GLRB: variants seen among roughly 807,000 people sequenced by gnomAD.
GLRB encodes glycine receptor beta.
GLRB carries 33 observed loss-of-function variants against 54.2 expected under a neutral mutation model. That is an observed-to-expected ratio of 0.61 (90% CI 0.46 to 0.81). The LOEUF (loss-of-function observed/expected upper bound fraction) is 0.81, where lower values mean the gene tolerates loss of function less well. Among genes scored for constraint, GLRB ranks in the 40% least tolerant of loss-of-function variants. The pLI is 0.00. For missense variants in GLRB, 572 were observed against 584.6 expected (o/e 0.98, Z 0.22); for synonymous variants, 209 against 208.2 (o/e 1.00, Z -0.03).
At chr4:157,149,187 A>G (rs1736928386) in intron 8 of GLRB, among the ~76,000 whole-genome samples, 1 of 152,130 alleles carries the variant, frequency 6.6e-6, no homozygotes, top group Non-Finnish European at 1.5e-5. Context: ...GTTAGCAGAC[A>G]ACATAGAGCA....
At chr4:157,085,964 A>T (rs1209151961) in intron 2 of GLRB, among the ~76,000 whole-genome samples, 1 of 151,982 alleles carries the variant, frequency 6.6e-6, no homozygotes, top group Non-Finnish European at 1.5e-5. Context: ...GTAGGTATGT[A>T]TATATGAATG....
At chr4:157,142,130 T>G (rs1008371622) in intron 7 of GLRB, among the ~76,000 whole-genome samples, 2 of 152,128 alleles carry the variant, frequency 1.3e-5, no homozygotes, top group African/African-American at 4.8e-5. Context: ...ATTGTACTTA[T>G]GAAAGATTCT....
intron 4 of GLRB, among the ~76,000 whole-genome samples, chr4:157,128,256 C>T (rs972830293): frequency 2.0e-4 from 30 of 151,396 alleles, no homozygotes; most frequent in African/African-American, 6.1e-4. Flanking sequence ...TTTTAGTGTA[C>T]GTACATGAAA....
intron 2 of GLRB, among the ~76,000 whole-genome samples, chr4:157,083,167 T>C (rs1734286528): frequency 1.3e-5 from 2 of 152,020 alleles, no homozygotes; most frequent in Admixed American, 1.3e-4. Context: ...TTCTGCTCTG[T>C]GCTAGTGCAG....
chr4:157,130,027 G>GA (rs1736155475), intron 4 of GLRB, among the ~76,000 whole-genome samples: 1 of 151,526 alleles, frequency 6.6e-6, no homozygotes, highest in Non-Finnish European at 1.5e-5. Flanking sequence ...CTAATAAAAT[G>GA]AAAAAGTTTT....
intron 4 of GLRB, among the ~76,000 whole-genome samples, chr4:157,128,636 G>C (rs1277934746): frequency 6.6e-6 from 1 of 151,650 alleles, no homozygotes; most frequent in Non-Finnish European, 1.5e-5. Context: ...CACCTAGCAG[G>C]CTCTCCTAAT....
At position 157,077,050 on chromosome 4, in the gene GLRB, G is replaced by A. The variant is rs74779813; in HGVS notation, c.-30+753G>A. Among the ~76,000 whole-genome samples, 111 of 149,852 alleles carry A rather than the reference G, an allele frequency of 7.4e-4. 2 individuals carry two copies. The East Asian group carries it at 0.018, about 24-fold the overall frequency. On this transcript the variant is annotated intron_variant, in intron 1 of 9. Transcript: ENST00000264428. ...AGGGTGAGATGGGAATTAAGTTAGC[G>A]TTGAAGAATATGACAGGTCTTTTAC...
intron 9 of GLRB, among the ~76,000 whole-genome samples, chr4:157,159,030 T>C (rs909342360): frequency 2.6e-5 from 4 of 152,226 alleles, no homozygotes; most frequent in Non-Finnish European, 5.9e-5. Context: ...GTAGTTCTCC[T>C]TGAAGAGGTC....
intron 7 of GLRB, among the ~76,000 whole-genome samples, chr4:157,139,866 CTG>C (rs574803815): frequency 4.0e-5 from 6 of 151,756 alleles, no homozygotes; most frequent in Non-Finnish European, 7.4e-5. Flanking sequence ...TTGTGTAAAA[CTG>C]AGAGAGATCA....
chr4:157,099,859 T>C (rs1734951925), intron 2 of GLRB, among the ~76,000 whole-genome samples: 1 of 152,196 alleles, frequency 6.6e-6, no homozygotes, highest in Admixed American at 6.5e-5. Context: ...AACCATCTTC[T>C]GTGAGTATAA....
intron 8 of GLRB, among the ~76,000 whole-genome samples, chr4:157,144,308 G>A (rs1168542977): frequency 6.6e-6 from 1 of 152,068 alleles, no homozygotes; most frequent in Non-Finnish European, 1.5e-5. Flanking sequence ...AAGTCTTTCT[G>A]AAAAATAGTA....
At chr4:157,077,768 T>C (rs1734089399) in intron 1 of GLRB, among the ~76,000 whole-genome samples, 1 of 150,786 alleles carries the variant, frequency 6.6e-6, no homozygotes, top group South Asian at 2.1e-4. Flanking sequence ...GTTTTCTATG[T>C]GCCATTATTT....
intron 9 of GLRB, among the ~76,000 whole-genome samples, chr4:157,159,589 A>C (rs2126617067): frequency 6.6e-6 from 1 of 152,268 alleles, no homozygotes; most frequent in African/African-American, 2.4e-5. Flanking sequence ...TATTGAGATA[A>C]TCATCTGGTT....
intron 4 of GLRB, among the ~76,000 whole-genome samples, chr4:157,128,773 T>C (rs1171358477): frequency 1.3e-5 from 2 of 151,820 alleles, no homozygotes; most frequent in Non-Finnish European, 2.9e-5. Flanking sequence ...CCTAAGAGTT[T>C]TTACAGGCAT....
At chr4:157,157,202 T>C (rs1737265417) in intron 9 of GLRB, among the ~76,000 whole-genome samples, 1 of 152,106 alleles carries the variant, frequency 6.6e-6, no homozygotes, top group Admixed American at 6.5e-5. Context: ...CTGCTGGGTG[T>C]AGGTTTAAGT....
At chr4:157,078,983 T>C (rs1057469729) in intron 2 of GLRB, among the ~76,000 whole-genome samples, 1 of 152,164 alleles carries the variant, frequency 6.6e-6, no homozygotes, top group African/African-American at 2.4e-5. Flanking sequence ...CATGTTGACC[T>C]GTCTGGTCTC....
chr4:157,128,865 T>C (rs1484535342), intron 4 of GLRB, among the ~76,000 whole-genome samples: 2 of 151,962 alleles, frequency 1.3e-5, no homozygotes, highest in Non-Finnish European at 2.9e-5. Flanking sequence ...AGGCTTTTAA[T>C]AGCCCTATTG....
At chr4:157,130,501 C>T (rs1297088748) in intron 4 of GLRB, among the ~76,000 whole-genome samples, 1 of 151,584 alleles carries the variant, frequency 6.6e-6, no homozygotes, top group Non-Finnish European at 1.5e-5. Context: ...TTTGAACAAA[C>T]CTATTCTTAG....
chr4:157,132,006 G>A (rs1054109149), intron 4 of GLRB, among the ~76,000 whole-genome samples: 6 of 151,762 alleles, frequency 4.0e-5, no homozygotes, highest in African/African-American at 7.2e-5. Flanking sequence ...TGGCTGAACA[G>A]TTTTTGATTT....
Sources: gnomAD v4.1 joint callset for allele counts (sites outside exome capture counted in the v4.1 genomes callset) on GRCh38, gnomAD v4.1.1 for gene constraint, MANE v1.5 for transcripts, NCBI Gene and HGNC (gene_info 2026-07-23, HGNC 2026-07-21) for gene names.